The following SRD5A1 variants were observed in gnomAD, a reference collection of about 807,000 sequenced individuals.
The protein encoded by SRD5A1 is 3-oxo-5-alpha-steroid 4-dehydrogenase 1.
SRD5A1 carries 22 observed loss-of-function variants against 28.2 expected under a neutral mutation model. The observed-to-expected ratio is 0.78, with a 90% confidence interval of 0.56 to 1.12. The LOEUF (loss-of-function observed/expected upper bound fraction) is 1.12. Ranked by LOEUF, SRD5A1 falls within the 50% of genes most tolerant of loss-of-function variation. SRD5A1 has a pLI of 0.00. For synonymous variants in SRD5A1, 151 were observed against 135.0 expected, an observed-to-expected ratio of 1.12 and a Z score of -0.82; for missense variants, 300 against 346.7, an observed-to-expected ratio of 0.87 and a Z score of 1.07.
At chr5:6,652,187 A>G (rs1224907256) in intron 2 of SRD5A1, among the ~76,000 whole-genome samples, 179 bp downstream of exon 2, 1 of 152,222 alleles carries the variant, frequency 6.6e-6, no homozygotes, top group Admixed American at 6.5e-5. Context: ...GGGGGCAGAG[A>G]GGTGACGCAG....
intron 1 of SRD5A1, among the ~76,000 whole-genome samples, chr5:6,650,491 A>G (rs534899667): frequency 1.3e-5 from 2 of 151,916 alleles, no homozygotes; most frequent in East Asian, 1.9e-4. Context: ...TCAATGTGTT[A>G]TACACTTATA....
chr5:6,665,991 T>C (rs1174694592), intron 4 of SRD5A1, among the ~76,000 whole-genome samples: 1 of 152,196 alleles, frequency 6.6e-6, no homozygotes, highest in Non-Finnish European at 1.5e-5. Context: ...TCAATTCAGT[T>C]TTGCAGAAGT....
chr5:6,647,699 G>A (rs1250038557), intron 1 of SRD5A1, among the ~76,000 whole-genome samples: 9 of 152,166 alleles, frequency 5.9e-5, no homozygotes, highest in African/African-American at 1.2e-4. Flanking sequence ...ACAGCACACC[G>A]ATGGGTCTTG....
chr5:6,636,569 A>G (rs1332313139), intron 1 of SRD5A1, among the ~76,000 whole-genome samples: 2 of 152,096 alleles, frequency 1.3e-5, no homozygotes, highest in East Asian at 3.9e-4. Context: ...GACCAGAGCC[A>G]GGTCCAGGGA....
At chr5:6,662,792 A>G (rs201610105) in intron 3 of SRD5A1, 24 bp from the exon 4 acceptor site, 1 of 1,609,042 alleles carries the variant, frequency 6.2e-7, no homozygotes, top group African/African-American at 1.3e-5. Context: ...TAAATGCACT[A>G]CTTTGGTCTG....
intron 4 of SRD5A1, among the ~76,000 whole-genome samples, chr5:6,666,598 C>T (rs1428087278): frequency 6.6e-6 from 1 of 152,114 alleles, no homozygotes; most frequent in Admixed American, 6.5e-5. Flanking sequence ...CAAATATTCT[C>T]TTAAAGGGCA....
rs1739446762 is a variant in SRD5A1 at position 6,674,384 on chromosome 5, A to G, written c.*6116A>G. 1 of 152,488 alleles carries G rather than the reference A, an allele frequency of 6.6e-6. No individual in the cohort carries two copies. Among genetic ancestry groups the G allele is most frequent in the African/African-American group, 2.4e-5 (1 of 41,436 alleles). 9.4% of individuals were successfully genotyped at this position (152,488 alleles called of 1,614,324 possible). ...CTATTAAAAAAAAAACTGAGTGGAA[A>G]AAGAGCGTTTTGCTCATTGGATGGA... On this transcript the variant is annotated 3_prime_UTR_variant, in exon 5 of 5. Coordinates refer to ENST00000274192, the MANE Select transcript of SRD5A1 (RefSeq NM_001047.4).
chr5:6,655,920 A>G (rs1738817792), intron 2 of SRD5A1, among the ~76,000 whole-genome samples, 158 bp from the exon 3 acceptor site: 1 of 152,234 alleles, frequency 6.6e-6, no homozygotes, highest in Admixed American at 6.5e-5. Flanking sequence ...CATACCTGAC[A>G]ACAGTCCTTA....
chr5:6,637,777 C>T (rs189724540), intron 1 of SRD5A1, among the ~76,000 whole-genome samples: 2 of 152,334 alleles, frequency 1.3e-5, no homozygotes, highest in East Asian at 3.9e-4. Flanking sequence ...GCCCAGAGGC[C>T]TCCTCTTTCT....
chr5:6,634,415 TG>T (rs1036587263), intron 1 of SRD5A1, among the ~76,000 whole-genome samples: 2 of 10,964 alleles, frequency 1.8e-4, no homozygotes, highest in African/African-American at 7.7e-4. Flanking sequence ...ATCACGACTG[TG>T]GGGGCGGGGG....
In SRD5A1 at chr5:6,646,576, G is replaced by A. The variant is rs1738517249; in HGVS notation, c.294-5266G>A. Among the ~76,000 whole-genome samples, 3 of 152,176 alleles carry A rather than the reference G, an allele frequency of 2.0e-5. No homozygotes were observed. The South Asian group carries it at 6.2e-4, about 31-fold the overall frequency. On this transcript the variant is annotated intron_variant, in intron 1 of 4. Coordinates refer to ENST00000274192, the MANE Select transcript of SRD5A1 (RefSeq NM_001047.4). ...GTTTATTTGCATAGAGGTGTTTATAGTATTCTCTGATGGTAGTTTGTATTT... is the reference window on the plus strand; with the variant it reads ...GTTTATTTGCATAGAGGTGTTTATAATATTCTCTGATGGTAGTTTGTATTT...
chr5:6,652,216 C>T (rs1033703177), intron 2 of SRD5A1, among the ~76,000 whole-genome samples: 15 of 152,232 alleles, frequency 9.9e-5, no homozygotes, highest in East Asian at 3.8e-4. Context: ...CACCTTCCCC[C>T]GCACGGGCAG....
chr5:6,660,802 A>G (rs1488629212), intron 3 of SRD5A1, among the ~76,000 whole-genome samples: 1 of 152,250 alleles, frequency 6.6e-6, no homozygotes, highest in Non-Finnish European at 1.5e-5. Context: ...TAATTTATGA[A>G]GAGAAAATGT....
chr5:6,636,677 T>A (rs1260334719), intron 1 of SRD5A1, among the ~76,000 whole-genome samples: 1 of 152,076 alleles, frequency 6.6e-6, no homozygotes, highest in Non-Finnish European at 1.5e-5. Flanking sequence ...GACAGTCAGG[T>A]CAAGGAGGGA....
At chr5:6,639,495 T>G (rs969807561) in intron 1 of SRD5A1, among the ~76,000 whole-genome samples, 22 of 152,244 alleles carry the variant, frequency 1.4e-4, no homozygotes, top group Non-Finnish European at 2.9e-4. Flanking sequence ...TGCCCTTGTG[T>G]GGGTGCCACC....
At chr5:6,638,136 C>G (rs548069869) in intron 1 of SRD5A1, among the ~76,000 whole-genome samples, 2 of 152,204 alleles carry the variant, frequency 1.3e-5, no homozygotes, top group South Asian at 4.1e-4. Context: ...GTCAGGAGAT[C>G]AAGACCGTCC....
intron 1 of SRD5A1, among the ~76,000 whole-genome samples, chr5:6,649,405 T>G (rs567106931): frequency 6.6e-6 from 1 of 152,202 alleles, no homozygotes; most frequent in Non-Finnish European, 1.5e-5. Context: ...TTGTTTACAC[T>G]ATGAGGGTAA....
chr5:6,662,737 G>A (rs1319462363), intron 3 of SRD5A1, 79 bp from the exon 4 acceptor site: 3 of 1,465,158 alleles, frequency 2.0e-6, no homozygotes, highest in Non-Finnish European at 2.8e-6. Flanking sequence ...TGTTCTCCAG[G>A]TAAGTATTCA....
Position 6,652,014 on chromosome 5 carries a change from T to C in SRD5A1, c.460+6T>C, listed in dbSNP as rs754147029. On this transcript the variant is annotated splice_donor_region_variant and intron_variant, in intron 2 of 4. Coordinates refer to ENST00000274192, the MANE Select transcript of SRD5A1 (RefSeq NM_001047.4). ...AGATCCCCGTTTTCTAATAGGTGAG[T>C]GTCCACAGCAGTGAACTCCGCCTTG... is the stretch of plus-strand genomic sequence containing the variant. The C allele has an allele frequency of 5.0e-6, 8 of 1,611,234 alleles. No individual in the cohort carries two copies. Among genetic ancestry groups the C allele is most frequent in the Non-Finnish European group, 5.9e-6 (7 of 1,177,828 alleles).
Sources: allele counts gnomAD v4.1 joint callset (sites outside exome capture counted in the v4.1 genomes callset), GRCh38; gene constraint gnomAD v4.1.1; transcripts MANE v1.5; gene names NCBI Gene and HGNC (gene_info 2026-07-23, HGNC 2026-07-21).